The following PTPRD variants were observed in gnomAD, a reference collection of about 807,000 sequenced individuals.
PTPRD encodes receptor-type tyrosine-protein phosphatase delta.
PTPRD carries 34 observed loss-of-function variants against 214.5 expected under a neutral mutation model. That is an observed-to-expected ratio of 0.16 (90% confidence interval 0.12 to 0.21). The LOEUF (loss-of-function observed/expected upper bound fraction) is 0.21, where lower values mean the gene tolerates loss of function less well. PTPRD is among the 10% of genes least tolerant of loss of function. The pLI is 1.00. For missense variants in PTPRD, 2,545 were observed against 2,398.7 expected, an observed-to-expected ratio of 1.06 and a Z score of -1.27; for synonymous variants, 1,128 against 845.7, an observed-to-expected ratio of 1.33 and a Z score of -5.79.
At chr9:9,596,795 C>T (rs2093386130) in intron 7 of PTPRD, among the ~76,000 whole-genome samples, 1 of 151,838 alleles carries the variant, frequency 6.6e-6, no homozygotes, top group Non-Finnish European at 1.5e-5. Context: ...TAAACATTTG[C>T]AAATATAGAA....
chr9:9,213,532 G>C (rs952098607), intron 9 of PTPRD, among the ~76,000 whole-genome samples: 1 of 151,942 alleles, frequency 6.6e-6, no homozygotes, highest in African/African-American at 2.4e-5. Context: ...TTGTTTGTTT[G>C]TTTGTTTTGA....
At chr9:10,023,353 A>G (rs904904489) in intron 4 of PTPRD, among the ~76,000 whole-genome samples, 1 of 152,168 alleles carries the variant, frequency 6.6e-6, no homozygotes. Flanking sequence ...TGCCACAGAC[A>G]TGTATGCCTG....
intron 14 of PTPRD, among the ~76,000 whole-genome samples, chr9:8,585,374 C>A (rs1237833464): frequency 6.6e-6 from 1 of 152,148 alleles, no homozygotes; most frequent in Non-Finnish European, 1.5e-5. Context: ...CTGGTTCTGT[C>A]AAGGTTTAAT....
intron 5 of PTPRD, among the ~76,000 whole-genome samples, chr9:9,847,658 G>T (rs1193137771): frequency 1.3e-5 from 2 of 152,068 alleles, no homozygotes; most frequent in Non-Finnish European, 2.9e-5. Flanking sequence ...TTCTGTTTCT[G>T]TGGTAGCTTT....
intron 3 of PTPRD, among the ~76,000 whole-genome samples, chr9:10,338,324 G>A (rs2096879421): frequency 6.6e-6 from 1 of 151,580 alleles, no homozygotes; most frequent in Admixed American, 6.6e-5. Context: ...TGATTCCTGA[G>A]ACAGTTGCCT....
intron 4 of PTPRD, among the ~76,000 whole-genome samples, chr9:10,016,350 A>G (rs1175895120): frequency 6.0e-5 from 8 of 133,092 alleles, no homozygotes; most frequent in Non-Finnish European, 5.0e-5. Context: ...GATAGATGAT[A>G]GAAAGATTAG....
At chr9:8,970,859 G>A (rs1289152786) in intron 11 of PTPRD, among the ~76,000 whole-genome samples, 1 of 151,568 alleles carries the variant, frequency 6.6e-6, no homozygotes, top group East Asian at 1.9e-4. Flanking sequence ...ACATACTTCT[G>A]AGTTGAAGAG....
In PTPRD at chr9:10,015,669, T is replaced by C. The variant is rs114623967; in HGVS notation, c.-472+18049A>G. Among the ~76,000 whole-genome samples, 1,396 of 152,190 alleles carry C rather than the reference T, an allele frequency of 9.2e-3. 17 individuals carry two copies. Among genetic ancestry groups the C allele is most frequent in the African/African-American group, 0.032 (1,312 of 41,520 alleles). ...TTAACACAAAGCCAGGTAATTCTGATATATTACTAAAAGAAAAAGAACGAG... is the reference window on the plus strand; with the variant it reads ...TTAACACAAAGCCAGGTAATTCTGACATATTACTAAAAGAAAAAGAACGAG... On this transcript the variant is annotated intron_variant, in intron 4 of 45. Coordinates refer to ENST00000381196, the MANE Select transcript of PTPRD (RefSeq NM_002839.4).
At chr9:8,601,394 G>T (rs2094852252) in intron 14 of PTPRD, among the ~76,000 whole-genome samples, 1 of 152,332 alleles carries the variant, frequency 6.6e-6, no homozygotes, top group Admixed American at 6.5e-5. Flanking sequence ...AGCAAACATA[G>T]ATAGTAGCCA....
intron 5 of PTPRD, among the ~76,000 whole-genome samples, chr9:9,827,846 T>C (rs1447178120): frequency 6.6e-6 from 1 of 152,058 alleles, no homozygotes; most frequent in Admixed American, 6.6e-5. Flanking sequence ...GGGTGAAGGA[T>C]ATGAACAGAC....
chr9:9,780,222 T>C (rs574106343), intron 5 of PTPRD, among the ~76,000 whole-genome samples: 1 of 152,016 alleles, frequency 6.6e-6, no homozygotes, highest in East Asian at 1.9e-4. Context: ...CACATCAACA[T>C]AAACATGAGA....
chr9:8,841,121 C>A (rs1165599954), intron 11 of PTPRD, among the ~76,000 whole-genome samples: 1 of 152,100 alleles, frequency 6.6e-6, no homozygotes, highest in East Asian at 1.9e-4. Context: ...ACAACTCCTG[C>A]CCTATCATAA....
intron 9 of PTPRD, among the ~76,000 whole-genome samples, chr9:9,273,173 T>C (rs1034040718): frequency 1.3e-5 from 2 of 151,352 alleles, no homozygotes; most frequent in African/African-American, 4.8e-5. Flanking sequence ...AATATTATTA[T>C]GTCAATATAT....
chr9:10,394,222 C>G (rs1452396373), intron 2 of PTPRD, among the ~76,000 whole-genome samples: 1 of 143,982 alleles, frequency 6.9e-6, no homozygotes, highest in African/African-American at 2.6e-5. Context: ...ATATATATTT[C>G]TATTTCTATT....
intron 10 of PTPRD, among the ~76,000 whole-genome samples, chr9:9,094,209 G>A (rs1357453718): frequency 6.6e-6 from 1 of 152,056 alleles, no homozygotes; most frequent in Non-Finnish European, 1.5e-5. Flanking sequence ...CATTACGTGA[G>A]AAAGACACAT....
chr9:8,365,854 C>A (rs2079721251), intron 39 of PTPRD, among the ~76,000 whole-genome samples: 1 of 152,118 alleles, frequency 6.6e-6, no homozygotes, highest in African/African-American at 2.4e-5. Flanking sequence ...GCTTTCCCAG[C>A]CCTTCAAGCT....
chr9:9,588,434 A>T (rs553070823), intron 7 of PTPRD, among the ~76,000 whole-genome samples: 1 of 152,062 alleles, frequency 6.6e-6, no homozygotes, highest in East Asian at 1.9e-4. Context: ...ACAGCCAATC[A>T]ACTTAGGCAA....
intron 14 of PTPRD, among the ~76,000 whole-genome samples, chr9:8,566,100 ATGTGTG>A (rs139478736): frequency 0.012 from 1,661 of 137,912 alleles, 34 homozygotes; most frequent in East Asian, 0.091. Flanking sequence ...AATGCAAAAT[ATGTGTG>A]TGTGTGTGTG....
intron 11 of PTPRD, among the ~76,000 whole-genome samples, chr9:8,793,779 C>G (rs145282426): frequency 6.6e-6 from 1 of 151,544 alleles, no homozygotes; most frequent in African/African-American, 2.4e-5. Context: ...GATATTAGAA[C>G]AGAAAAAAAA....
Sources: allele counts gnomAD v4.1 joint callset (sites outside exome capture counted in the v4.1 genomes callset), GRCh38; gene constraint gnomAD v4.1.1; transcripts MANE v1.5; gene names NCBI Gene and HGNC (gene_info 2026-07-23, HGNC 2026-07-21).